The following PNLIPRP3 variants were observed in gnomAD, a reference collection of about 807,000 sequenced individuals.
The protein encoded by PNLIPRP3 is pancreatic lipase related protein 3.
In PNLIPRP3, 58 loss-of-function variants were observed where a neutral mutation model predicts 52.8. The observed-to-expected ratio is 1.10, with a 90% CI of 0.89 to 1.37. PNLIPRP3 has a LOEUF of 1.37. Ranked by LOEUF, PNLIPRP3 falls within the 40% of genes most tolerant of loss-of-function variation. The pLI, the probability that PNLIPRP3 is intolerant of heterozygous loss-of-function variation, is 0.00. For missense variants in PNLIPRP3, 593 were observed against 561.6 expected, an observed-to-expected ratio of 1.06 and a Z score of -0.57; for synonymous variants, 192 against 185.0, an observed-to-expected ratio of 1.04 and a Z score of -0.31.
chr10:116,447,267 A>C (rs1845966056), intron 4 of PNLIPRP3, among the ~76,000 whole-genome samples: 1 of 152,214 alleles, frequency 6.6e-6, no homozygotes, highest in South Asian at 2.1e-4. Flanking sequence ...GAATGAAGAT[A>C]GTAGTTTGGA....
intron 2 of PNLIPRP3, among the ~76,000 whole-genome samples, chr10:116,442,778 G>A (rs971715529): frequency 3.3e-5 from 5 of 152,170 alleles, no homozygotes; most frequent in Non-Finnish European, 5.9e-5. Context: ...GCGGCCAGAT[G>A]GCTTGAGCCC....
At chr10:116,448,026 GA>G (rs1845979001) in intron 4 of PNLIPRP3, among the ~76,000 whole-genome samples, 1 of 4,396 alleles carries the variant, frequency 2.3e-4, no homozygotes. Context: ...AGGAAGGAAG[GA>G]AAGAAAGAAA....
At chr10:116,466,362 A>T (rs1156605103) in intron 8 of PNLIPRP3, among the ~76,000 whole-genome samples, 194 bp downstream of exon 8, 1 of 152,186 alleles carries the variant, frequency 6.6e-6, no homozygotes, top group Non-Finnish European at 1.5e-5. Flanking sequence ...TCAACCAACT[A>T]TTTGTATTCT....
chr10:116,464,270 CAG>C (rs1434876004), intron 7 of PNLIPRP3, among the ~76,000 whole-genome samples: 1 of 152,180 alleles, frequency 6.6e-6, no homozygotes, highest in Admixed American at 6.5e-5. Flanking sequence ...AACAGAGAGG[CAG>C]AGTCTTAACT....
intron 8 of PNLIPRP3, among the ~76,000 whole-genome samples, chr10:116,468,080 G>A (rs1174097703): frequency 3.5e-5 from 5 of 142,812 alleles, no homozygotes; most frequent in East Asian, 2.0e-4. Context: ...AGCCAAGATC[G>A]GGCCACTGCA....
chr10:116,434,664 AT>A (rs1845751720), intron 1 of PNLIPRP3, among the ~76,000 whole-genome samples: 1 of 152,208 alleles, frequency 6.6e-6, no homozygotes. Flanking sequence ...AAAAATCTTC[AT>A]TTTAAAATCC....
chr10:116,461,436 T>C, intron 7 of PNLIPRP3, 146 bp downstream of exon 7: 1 of 986,246 alleles, frequency 1.0e-6, no homozygotes, highest in South Asian at 1.7e-5. Context: ...CTCTCCCACC[T>C]GTTCTCAGAT....
intron 2 of PNLIPRP3, among the ~76,000 whole-genome samples, chr10:116,438,768 C>A (rs1845815523): frequency 6.6e-6 from 1 of 152,048 alleles, no homozygotes; most frequent in Admixed American, 6.6e-5. Context: ...TGAGTTTGAC[C>A]AATTCTGTAG....
intron 2 of PNLIPRP3, among the ~76,000 whole-genome samples, chr10:116,441,733 C>G (rs976098433): frequency 6.6e-6 from 1 of 152,186 alleles, no homozygotes; most frequent in Non-Finnish European, 1.5e-5. Context: ...GATTTGAACT[C>G]TGGCTCCAGG....
At chr10:116,465,083 G>C (rs1348181708) in intron 7 of PNLIPRP3, among the ~76,000 whole-genome samples, 1 of 152,226 alleles carries the variant, frequency 6.6e-6, no homozygotes, top group Non-Finnish European at 1.5e-5. Context: ...TCTTGGATGA[G>C]AGGGGAACCC....
At chr10:116,449,832 T>A (rs1349327943) in intron 4 of PNLIPRP3, among the ~76,000 whole-genome samples, 35 of 152,164 alleles carry the variant, frequency 2.3e-4, no homozygotes. Flanking sequence ...TTCGCCAGGA[T>A]AGATCACAAG....
At chr10:116,455,892 G>T (rs890513370) in intron 5 of PNLIPRP3, 62 bp downstream of exon 5, 3 of 1,173,316 alleles carry the variant, frequency 2.6e-6, no homozygotes, top group Non-Finnish European at 2.5e-6. Context: ...ACACTACCAA[G>T]TATCTGAACA....
intron 2 of PNLIPRP3, among the ~76,000 whole-genome samples, chr10:116,441,853 A>G (rs1386152580): frequency 6.6e-6 from 1 of 152,128 alleles, no homozygotes; most frequent in Non-Finnish European, 1.5e-5. Flanking sequence ...TAAATGAGCT[A>G]CTCTATAAAG....
intron 2 of PNLIPRP3, among the ~76,000 whole-genome samples, chr10:116,441,115 G>A (rs1845852312): frequency 6.6e-6 from 1 of 152,100 alleles, no homozygotes; most frequent in East Asian, 1.9e-4. Context: ...ATGGTGTATG[G>A]AGTTTCCCAC....
At chr10:116,443,647 TATGTGTTTATATATATAACAC>T (rs1417100889) in intron 3 of PNLIPRP3, among the ~76,000 whole-genome samples, 68 of 2,300 alleles carry the variant, frequency 0.03, 1 homozygote, top group South Asian at 0.23. Context: ...ATATAACACA[TATGTGTTTATATATATAACAC>T]ATATATATAA....
chr10:116,473,727 G>C (rs757713807), intron 10 of PNLIPRP3, among the ~76,000 whole-genome samples: 58 of 151,840 alleles, frequency 3.8e-4, no homozygotes, highest in Admixed American at 5.9e-4. Flanking sequence ...CACCATGTTT[G>C]CCAGGCTGAT....
intron 10 of PNLIPRP3, among the ~76,000 whole-genome samples, chr10:116,475,094 T>C (rs1016773845): frequency 2.0e-5 from 3 of 152,188 alleles, no homozygotes; most frequent in African/African-American, 7.2e-5. Flanking sequence ...CATGGAATAC[T>C]ATGCAGCCAT....
chr10:116,476,927 T>G (rs1029133202), intron 11 of PNLIPRP3, 108 bp downstream of exon 11: 9 of 1,294,438 alleles, frequency 7.0e-6, no homozygotes, highest in Non-Finnish European at 9.4e-6. Flanking sequence ...TTATAGACTT[T>G]GAAATTTTGC....
chr10:116,458,576 T>C (rs1478047913), intron 5 of PNLIPRP3, among the ~76,000 whole-genome samples: 2 of 152,124 alleles, frequency 1.3e-5, no homozygotes, highest in Admixed American at 1.3e-4. Flanking sequence ...ATCACACTAG[T>C]AAAATAAAAA....
Sources: gnomAD v4.1 joint callset for allele counts (sites outside exome capture counted in the v4.1 genomes callset) on GRCh38, gnomAD v4.1.1 for gene constraint, MANE v1.5 for transcripts, NCBI Gene and HGNC (gene_info 2026-07-23, HGNC 2026-07-21) for gene names.